Variants in VDAC1 observed in about 807,000 individuals in gnomAD.
VDAC1 encodes the protein non-selective voltage-gated ion channel VDAC1.
In VDAC1, 10 loss-of-function variants were observed where a neutral mutation model predicts 34.7. The observed-to-expected ratio is 0.29, with a 90% CI of 0.18 to 0.49. The LOEUF is 0.49. VDAC1 is among the 20% of genes least tolerant of loss of function. The probability of loss-of-function intolerance (pLI) is 0.99; values close to 1 mark genes in which losing one functional copy is unlikely to be tolerated. For missense variants in VDAC1, 230 were observed against 347.9 expected (o/e 0.66, Z 2.69); for synonymous variants, 130 against 136.0 (o/e 0.96, Z 0.30).
chr5:134,034,406 C>T, the VDAC1 span, among the ~76,000 whole-genome samples: 1 of 152,028 alleles, frequency 6.6e-6, no homozygotes, highest in Non-Finnish European at 1.5e-5. Flanking sequence ...AGGGTGGGCC[C>T]CTAGCTCCAG....
intron 1 of VDAC1, 69 bp from the exon 2 acceptor site, chr5:133,993,087 T>C (rs917804239): frequency 9.5e-6 from 14 of 1,467,004 alleles, no homozygotes; most frequent in Middle Eastern, 4.7e-4. Context: ...TCAATAACAA[T>C]TATTAGATGT....
At chr5:134,051,384 C>A in the VDAC1 span, among the ~76,000 whole-genome samples, 1 of 152,364 alleles carries the variant, frequency 6.6e-6, no homozygotes, top group Non-Finnish European at 1.5e-5. Flanking sequence ...TTAGGGCAAC[C>A]AGACTAACCA....
chr5:133,999,440 C>A (rs1753454577), intron 1 of VDAC1, among the ~76,000 whole-genome samples: 1 of 152,212 alleles, frequency 6.6e-6, no homozygotes, highest in Admixed American at 6.5e-5. Context: ...GTCTGCCCCT[C>A]CAGATCCATT....
intron 5 of VDAC1, among the ~76,000 whole-genome samples, chr5:133,981,798 G>A (rs1752711823): frequency 1.3e-5 from 2 of 152,134 alleles, no homozygotes; most frequent in Admixed American, 1.3e-4. Flanking sequence ...ATTTTTATCT[G>A]ATTGTCTCTA....
chr5:134,108,557 G>T, the VDAC1 span, among the ~76,000 whole-genome samples: 2 of 152,176 alleles, frequency 1.3e-5, no homozygotes, highest in African/African-American at 4.8e-5. Context: ...TGGAATAAGA[G>T]GGTGAGCTTT....
At chr5:133,995,494 A>T (rs867857972) in intron 1 of VDAC1, among the ~76,000 whole-genome samples, 6 of 152,128 alleles carry the variant, frequency 3.9e-5, no homozygotes, top group African/African-American at 1.4e-4. Context: ...GGCAAGGAAG[A>T]CTCACAGAAA....
chr5:133,995,771 G>A (rs976766487), intron 1 of VDAC1, among the ~76,000 whole-genome samples: 1 of 152,072 alleles, frequency 6.6e-6, no homozygotes, highest in Non-Finnish European at 1.5e-5. Context: ...CACAGCTCTC[G>A]AACCCATTTC....
the VDAC1 span, among the ~76,000 whole-genome samples, chr5:134,079,380 G>A: frequency 4.5e-4 from 68 of 152,328 alleles, no homozygotes; most frequent in Admixed American, 1.3e-3. Context: ...CGTCTGATGG[G>A]GACCAGGGGT....
chr5:134,084,770 T>C, the VDAC1 span, among the ~76,000 whole-genome samples: 1 of 152,182 alleles, frequency 6.6e-6, no homozygotes. Context: ...CTGCCAGGGG[T>C]TAGGCTGATG....
chr5:133,999,823 C>T (rs1189311052), intron 1 of VDAC1, among the ~76,000 whole-genome samples: 1 of 152,186 alleles, frequency 6.6e-6, no homozygotes, highest in Non-Finnish European at 1.5e-5. Flanking sequence ...ACAGAGCAAT[C>T]ACAACCATCA....
At chr5:134,073,276 C>G in the VDAC1 span, among the ~76,000 whole-genome samples, 9 of 152,300 alleles carry the variant, frequency 5.9e-5, no homozygotes, top group Admixed American at 2.6e-4. Flanking sequence ...AGAGGCTGAG[C>G]AGCTAACACC....
chr5:134,051,535 A>C, the VDAC1 span, among the ~76,000 whole-genome samples: 1 of 152,212 alleles, frequency 6.6e-6, no homozygotes, highest in East Asian at 1.9e-4. Flanking sequence ...TGAGTCAGCC[A>C]GTCCCCTTGC....
the VDAC1 span, among the ~76,000 whole-genome samples, chr5:134,010,848 A>G: frequency 6.6e-6 from 1 of 152,148 alleles, no homozygotes; most frequent in African/African-American, 2.4e-5. Context: ...AAAGCTGTAC[A>G]TATTTAATAT....
At chr5:133,995,840 A>T (rs1273011124) in intron 1 of VDAC1, among the ~76,000 whole-genome samples, 1 of 152,252 alleles carries the variant, frequency 6.6e-6, no homozygotes, top group African/African-American at 2.4e-5. Context: ...CGAGGACTGG[A>T]GGAAAGAAAA....
the VDAC1 span, among the ~76,000 whole-genome samples, chr5:134,011,063 A>G: frequency 5.9e-5 from 9 of 151,576 alleles, no homozygotes; most frequent in South Asian, 2.1e-4. Flanking sequence ...TGTGATGTAT[A>G]GTAGATGATG....
At chr5:134,028,640 C>T in the VDAC1 span, among the ~76,000 whole-genome samples, 1 of 152,178 alleles carries the variant, frequency 6.6e-6, no homozygotes, top group East Asian at 1.9e-4. Context: ...CATTGCTCTT[C>T]CTCCTCCTTC....
intron 5 of VDAC1, among the ~76,000 whole-genome samples, chr5:133,984,284 C>G (rs907669243): frequency 6.6e-6 from 1 of 152,110 alleles, no homozygotes; most frequent in Non-Finnish European, 1.5e-5. Flanking sequence ...TGGTCTCCAA[C>G]TCCTGGGCTC....
the VDAC1 span, among the ~76,000 whole-genome samples, chr5:134,090,745 T>C: frequency 6.6e-6 from 1 of 152,226 alleles, no homozygotes; most frequent in African/African-American, 2.4e-5. Context: ...TCTAAAAATA[T>C]GGTGTTTTTG....
At chr5:134,039,667 T>G in the VDAC1 span, among the ~76,000 whole-genome samples, 5 of 152,018 alleles carry the variant, frequency 3.3e-5, no homozygotes, top group African/African-American at 1.2e-4. Context: ...GTGGTTCTAC[T>G]GAGAACCCTC....
Sources: allele counts gnomAD v4.1 joint callset (sites outside exome capture counted in the v4.1 genomes callset), GRCh38; gene constraint gnomAD v4.1.1; transcripts MANE v1.5; gene names NCBI Gene and HGNC (gene_info 2026-07-23, HGNC 2026-07-21).